The following PTPN2 variants were observed in gnomAD, a reference collection of about 807,000 sequenced individuals.
The protein encoded by PTPN2 is protein tyrosine phosphatase non-receptor type 2, also known as tyrosine-protein phosphatase non-receptor type 2.
Under a neutral mutation model 57.3 loss-of-function variants are expected in PTPN2, and 19 were observed. The ratio of observed to expected loss-of-function variants is 0.33; its 90% CI spans 0.23 to 0.49. The LOEUF is 0.49. Among genes scored for constraint, PTPN2 ranks in the 20% least tolerant of loss-of-function variants. The probability of loss-of-function intolerance (pLI) is 0.99; values close to 1 mark genes in which losing one functional copy is unlikely to be tolerated. For missense variants in PTPN2, 358 were observed against 501.1 expected (o/e 0.71, Z 2.73); for synonymous variants, 153 against 164.9 (o/e 0.93, Z 0.55).
intron 7 of PTPN2, among the ~76,000 whole-genome samples, chr18:12,807,013 G>A (rs149860483): frequency 1.3e-3 from 199 of 152,208 alleles, no homozygotes; most frequent in African/African-American, 4.4e-3. Context: ...CAGAATGGAA[G>A]AAAATATCTG....
rs1431958307 is a variant in PTPN2, at chr18:12,792,352, G to A, written c.*1926C>T. 8.0e-6 allele frequency: 4 copies of A among 498,866 alleles called. No homozygotes were observed. Among genetic ancestry groups the A allele is most frequent in the Non-Finnish European group, 7.6e-6 (3 of 392,296 alleles). The allele number at this position is 498,866 out of a possible 1,614,324, so 30.9% of individuals were successfully genotyped here. On this transcript the variant is annotated 3_prime_UTR_variant, in exon 9 of 9. Transcript: ENST00000309660. ...GGCTGGAGTGCAGTGGTGCAATCTC[G>A]GCTCACTGCAACCTCTGCCTCCCGG...
intron 5 of PTPN2, among the ~76,000 whole-genome samples, chr18:12,818,594 T>C (rs1568108447): frequency 6.6e-6 from 1 of 152,100 alleles, no homozygotes; most frequent in African/African-American, 2.4e-5. Flanking sequence ...TCTTCATTTG[T>C]GTAAACGAAG....
intron 6 of PTPN2, among the ~76,000 whole-genome samples, chr18:12,814,792 C>T (rs978507567): frequency 6.6e-5 from 10 of 152,032 alleles, no homozygotes; most frequent in African/African-American, 2.4e-4. Context: ...CAGCACCCAT[C>T]TAACAATGGT....
At chr18:12,796,437 G>A (rs73404411) in intron 8 of PTPN2, among the ~76,000 whole-genome samples, 18,565 of 152,094 alleles carry the variant, frequency 0.12, 1,229 homozygotes, top group Non-Finnish European at 0.15. Context: ...TTTCAGACAA[G>A]AGAAATCTGA....
chr18:12,817,431 A>ACTGTAGTGAGCTGT, intron 5 of PTPN2, 66 bp from the exon 6 acceptor site: 1 of 1,202,618 alleles, frequency 8.3e-7, no homozygotes, highest in Non-Finnish European at 1.2e-6. Context: ...TACTTCAGAA[A>ACTGTAGTGAGCTGT]GATCATGTGT....
At chr18:12,818,185 T>A (rs1290266510) in intron 5 of PTPN2, among the ~76,000 whole-genome samples, 1 of 152,236 alleles carries the variant, frequency 6.6e-6, no homozygotes, top group Non-Finnish European at 1.5e-5. Flanking sequence ...TTTTACATTC[T>A]TTAACATTTT....
chr18:12,880,855 T>G (rs890646547), intron 1 of PTPN2, among the ~76,000 whole-genome samples: 1 of 152,224 alleles, frequency 6.6e-6, no homozygotes, highest in African/African-American at 2.4e-5. Flanking sequence ...TCACATTTAC[T>G]CAGACCCTCT....
At chr18:12,873,719 G>C (rs1229307247) in intron 1 of PTPN2, among the ~76,000 whole-genome samples, 1 of 152,228 alleles carries the variant, frequency 6.6e-6, no homozygotes, top group Non-Finnish European at 1.5e-5. Context: ...CCCCGTCTAG[G>C]AAGTGAGGAG....
chr18:12,830,942 C>A lies in PTPN2; in HGVS notation c.360+1G>T, dbSNP rs1159634058. 1.3e-6 allele frequency: 2 copies of A among 1,575,882 alleles called. No homozygotes were observed. Among genetic ancestry groups the A allele is most frequent in the Non-Finnish European group, 1.7e-6 (2 of 1,146,352 alleles). On this transcript the variant is annotated splice_donor_variant, in intron 4 of 8. Coordinates refer to ENST00000309660, the MANE Select transcript of PTPN2 (RefSeq NM_002828.4). LOFTEE classifies it high-confidence loss of function. ...AGTTGTAAATATTAAATATTACTCA[C>A]CGATTCTTTCTCCACAATGCGGTTC...
intron 1 of PTPN2, among the ~76,000 whole-genome samples, chr18:12,875,426 A>G (rs1245996396): frequency 6.6e-6 from 1 of 152,190 alleles, no homozygotes; most frequent in Non-Finnish European, 1.5e-5. Context: ...TTCCTCAGTT[A>G]TCAGCTGCTA....
intron 5 of PTPN2, among the ~76,000 whole-genome samples, chr18:12,821,651 A>G (rs1395638645): frequency 4.6e-5 from 7 of 152,222 alleles, no homozygotes; most frequent in Non-Finnish European, 1.5e-5. Flanking sequence ...AGCAGAGAGA[A>G]AGCAATATGC....
chr18:12,873,671 C>A (rs1307696831), intron 1 of PTPN2, among the ~76,000 whole-genome samples: 1 of 152,184 alleles, frequency 6.6e-6, no homozygotes, highest in African/African-American at 2.4e-5. Flanking sequence ...GCCTTGGCCT[C>A]CCAAAGTGCC....
intron 2 of PTPN2, among the ~76,000 whole-genome samples, chr18:12,840,253 A>C (rs1466405648): frequency 6.6e-6 from 1 of 152,250 alleles, no homozygotes; most frequent in Non-Finnish European, 1.5e-5. Context: ...AGCATTTTCT[A>C]GATTTGTCAA....
intron 5 of PTPN2, among the ~76,000 whole-genome samples, chr18:12,825,096 TCAAC>T (rs201450350): frequency 1.3e-5 from 2 of 151,798 alleles, no homozygotes; most frequent in Non-Finnish European, 1.5e-5. Flanking sequence ...AAAAAACCAA[TCAAC>T]CAACCAACCA....
chr18:12,832,021 A>C (rs1407081379), intron 3 of PTPN2, among the ~76,000 whole-genome samples: 1 of 152,226 alleles, frequency 6.6e-6, no homozygotes, highest in Non-Finnish European at 1.5e-5. Context: ...GGAATGTAGC[A>C]GAGTGGTATG....
chr18:12,827,342 C>CAA (rs200266093), intron 4 of PTPN2, among the ~76,000 whole-genome samples: 96 of 136,608 alleles, frequency 7.0e-4, no homozygotes, highest in African/African-American at 2.4e-3. Flanking sequence ...GACTCCGTCT[C>CAA]AAAAAAAAAA....
At chr18:12,869,841 C>T (rs2044125996) in intron 1 of PTPN2, among the ~76,000 whole-genome samples, 1 of 152,090 alleles carries the variant, frequency 6.6e-6, no homozygotes. Flanking sequence ...GAAAAGTGTT[C>T]CCTTTGTTAG....
chr18:12,819,256 C>G, intron 5 of PTPN2: 2 of 1,459,556 alleles, frequency 1.4e-6, no homozygotes. Flanking sequence ...ATTTCAAATA[C>G]AGTGTGATCC....
chr18:12,872,124 A>G (rs777848059), intron 1 of PTPN2: 3 of 152,164 alleles, frequency 2.0e-5, no homozygotes, highest in Non-Finnish European at 4.4e-5. Context: ...AGCAGTTCCC[A>G]CTGTTACGAA....
Sources: allele counts gnomAD v4.1 joint callset (sites outside exome capture counted in the v4.1 genomes callset), GRCh38; gene constraint gnomAD v4.1.1; transcripts MANE v1.5; gene names NCBI Gene and HGNC (gene_info 2026-07-23, HGNC 2026-07-21).